Variants in TBC1D8 observed in about 807,000 individuals in gnomAD.
TBC1D8 encodes TBC1 domain family member 8.
Under a neutral mutation model 118.8 loss-of-function variants are expected in TBC1D8, and 65 were observed. The ratio of observed to expected loss-of-function variants is 0.55; its 90% CI spans 0.45 to 0.67. TBC1D8 has a LOEUF of 0.67. TBC1D8 is among the 30% of genes least tolerant of loss of function. TBC1D8 has a pLI of 0.00. For synonymous variants in TBC1D8, 566 were observed against 595.8 expected (o/e 0.95, Z 0.73); for missense variants, 1,376 against 1,471.2 (o/e 0.94, Z 1.06).
At chr2:101,125,992 G>T (rs1215192484) in intron 1 of TBC1D8, among the ~76,000 whole-genome samples, 1 of 152,156 alleles carries the variant, frequency 6.6e-6, no homozygotes, top group Non-Finnish European at 1.5e-5. Context: ...TTGCTATAAA[G>T]GAATACCTGA....
intron 17 of TBC1D8, among the ~76,000 whole-genome samples, chr2:101,020,493 C>T (rs1679966815): frequency 6.6e-6 from 1 of 152,134 alleles, no homozygotes; most frequent in Non-Finnish European, 1.5e-5. Flanking sequence ...GATCAGTTGA[C>T]AGAGAAAGGG....
intron 12 of TBC1D8, 98 bp downstream of exon 12, chr2:101,029,393 A>AT (rs1458929583): frequency 6.5e-6 from 8 of 1,237,828 alleles, no homozygotes; most frequent in Admixed American, 2.7e-5. Context: ...CTCTGTCTCA[A>AT]TAAAAAAAAA....
chr2:101,146,631 G>C (rs1679327826), intron 1 of TBC1D8, among the ~76,000 whole-genome samples: 1 of 152,122 alleles, frequency 6.6e-6, no homozygotes, highest in Non-Finnish European at 1.5e-5. Flanking sequence ...GATACAATTT[G>C]ATGTTTCAAT....
At chr2:101,050,860 G>T (rs1339265838) in intron 4 of TBC1D8, among the ~76,000 whole-genome samples, 3 of 152,196 alleles carry the variant, frequency 2.0e-5, no homozygotes, top group African/African-American at 7.2e-5. Flanking sequence ...CATCACCCAG[G>T]TGTTAAGCCT....
chr2:101,033,528 A>AGCAC lies in TBC1D8; in HGVS notation c.1818+12_1818+15dup, dbSNP rs758092331. 2.4e-5 allele frequency: 39 copies of AGCAC among 1,613,754 alleles called. No homozygotes were observed. Among genetic ancestry groups the AGCAC allele is most frequent in the Non-Finnish European group, 3.2e-5 (38 of 1,179,828 alleles). On this transcript the variant is annotated intron_variant, in intron 10 of 19. Coordinates refer to ENST00000409318, the MANE Select transcript of TBC1D8 (RefSeq NM_001330348.2). Reference sequence around the variant, plus strand: ...CAACTAAAGACTCTCTGCGCCCCAGAGCACACCCCTTTCACCTGGCAGTAT... The same window carrying AGCAC: ...CAACTAAAGACTCTCTGCGCCCCAGAGCACGCACACCCCTTTCACCTGGCAGTAT...
chr2:101,071,366 CAAATAAAT>C (rs66573133), intron 2 of TBC1D8, among the ~76,000 whole-genome samples: 16 of 151,160 alleles, frequency 1.1e-4, no homozygotes, highest in South Asian at 4.2e-4. Context: ...AACAAACAAA[CAAATAAAT>C]AAATAAATAA....
intron 1 of TBC1D8, among the ~76,000 whole-genome samples, chr2:101,136,928 G>C (rs1238152157): frequency 6.6e-6 from 1 of 151,998 alleles, no homozygotes; most frequent in Non-Finnish European, 1.5e-5. Flanking sequence ...CTGAGGCTGC[G>C]CAATGCTCTT....
intron 15 of TBC1D8, among the ~76,000 whole-genome samples, chr2:101,025,183 C>T (rs1251143808): frequency 6.6e-6 from 1 of 151,552 alleles, no homozygotes; most frequent in African/African-American, 2.4e-5. Context: ...ATTATCTGTA[C>T]AGGGAGGGTA....
chr2:101,151,299 G>C lies in TBC1D8; in HGVS notation c.-46C>G, dbSNP rs1475294268. 3 of 1,109,366 alleles carry C rather than the reference G, an allele frequency of 2.7e-6. No homozygotes were observed. Among genetic ancestry groups the C allele is most frequent in the African/African-American group, 1.7e-5 (1 of 59,260 alleles). The allele number at this position is 1,109,366 out of a possible 1,614,324, so 68.7% of individuals were successfully genotyped here. On this transcript the variant is annotated 5_prime_UTR_variant, in exon 1 of 20. Coordinates refer to ENST00000409318, the MANE Select transcript of TBC1D8 (RefSeq NM_001330348.2). Reference sequence around the variant, plus strand: ...CGCCGGCCCCAGCTCACATCTCCCCGGCCGCCGGTCGCTGTGAGCCGAGCC... The same window carrying C: ...CGCCGGCCCCAGCTCACATCTCCCCCGCCGCCGGTCGCTGTGAGCCGAGCC...
intron 5 of TBC1D8, 145 bp from the exon 6 acceptor site, chr2:101,040,530 T>C: frequency 1.3e-6 from 1 of 789,326 alleles, no homozygotes; most frequent in Non-Finnish European, 2.0e-6. Context: ...AGTGCAGTGG[T>C]GCGAGCTCAG....
chr2:101,079,541 A>ATTT (rs796387038), intron 2 of TBC1D8, among the ~76,000 whole-genome samples: 1 of 145,592 alleles, frequency 6.9e-6, no homozygotes, highest in East Asian at 2.0e-4. Flanking sequence ...CGCCCGGCTA[A>ATTT]TTTTTTTTTT....
In TBC1D8 at chr2:101,040,161, C is replaced by G. The variant is rs112836069; in HGVS notation, c.1080+17G>C. On this transcript the variant is annotated intron_variant, in intron 6 of 19. Transcript: ENST00000409318. ...ACAAAAGGCTGCTTCGGGAAGCAGA[C>G]AGTAGGGCCAGTCTACCTCTCTGAG... The G allele has an allele frequency of 7.1e-3, 11,421 of 1,611,610 alleles. 63 individuals carry two copies. Among genetic ancestry groups the G allele is most frequent in the Non-Finnish European group, 8.6e-3 (10,120 of 1,178,390 alleles).
chr2:101,009,988 AT>A (rs1028879529), intron 19 of TBC1D8, among the ~76,000 whole-genome samples: 39 of 146,122 alleles, frequency 2.7e-4, no homozygotes, highest in East Asian at 4.0e-4. Flanking sequence ...CGTCCAGCTA[AT>A]TTTTTTTTTT....
chr2:101,032,726 A>G (rs905432769), intron 10 of TBC1D8: 2 of 207,132 alleles, frequency 9.7e-6, no homozygotes, highest in African/African-American at 4.6e-5. Flanking sequence ...CACAAACTTA[A>G]TTCGCTCACT....
intron 1 of TBC1D8, among the ~76,000 whole-genome samples, chr2:101,144,217 G>A (rs114295528): frequency 0.017 from 2,566 of 152,230 alleles, 34 homozygotes; most frequent in Middle Eastern, 0.054. Context: ...CAGGAGAGAG[G>A]GGCACAGACC....
intron 5 of TBC1D8, among the ~76,000 whole-genome samples, chr2:101,042,289 A>G (rs1681434026): frequency 6.6e-6 from 1 of 152,106 alleles, no homozygotes; most frequent in Admixed American, 6.5e-5. Context: ...AATACTGATC[A>G]AGTTATGTCA....
At chr2:101,109,937 G>A in intron 1 of TBC1D8, 5 of 985,442 alleles carry the variant, frequency 5.1e-6, no homozygotes, top group Non-Finnish European at 6.0e-6. Context: ...AGGGCTGCAG[G>A]GCCGCCACCT....
intron 17 of TBC1D8, among the ~76,000 whole-genome samples, chr2:101,013,917 G>A (rs1429342752): frequency 6.6e-6 from 1 of 152,210 alleles, no homozygotes; most frequent in African/African-American, 2.4e-5. Context: ...ATAGTGGTTG[G>A]AAACAGCAAT....
chr2:101,034,133 C>T (rs1276703663), intron 9 of TBC1D8, among the ~76,000 whole-genome samples: 1 of 152,172 alleles, frequency 6.6e-6, no homozygotes, highest in East Asian at 1.9e-4. Flanking sequence ...CACTGCACTC[C>T]AGCCTGGGCG....
Sources: gnomAD v4.1 joint callset for allele counts (sites outside exome capture counted in the v4.1 genomes callset) on GRCh38, gnomAD v4.1.1 for gene constraint, MANE v1.5 for transcripts, NCBI Gene and HGNC (gene_info 2026-07-23, HGNC 2026-07-21) for gene names.